Variants in ECPAS observed in about 807,000 individuals in gnomAD.
The protein encoded by ECPAS is Ecm29 proteasome adaptor and scaffold.
ECPAS carries 70 observed loss-of-function variants against 255.1 expected under a neutral mutation model. The ratio of observed to expected loss-of-function variants is 0.27; its 90% confidence interval spans 0.23 to 0.33. The LOEUF is 0.33. Among genes scored for constraint, ECPAS ranks in the 10% least tolerant of loss-of-function variants. The pLI, the probability that ECPAS is intolerant of heterozygous loss-of-function variation, is 1.00. For missense variants in ECPAS, 1,817 were observed against 2,206.4 expected (o/e 0.82, Z 3.54); for synonymous variants, 784 against 775.0 (o/e 1.01, Z -0.19).
In ECPAS at chr9:111,410,138, C is replaced by G; in HGVS notation, c.2453G>C (p.Gly818Ala). 17 of 1,612,002 alleles carry G rather than the reference C, an allele frequency of 1.1e-5. No homozygotes were observed. Among genetic ancestry groups the G allele is most frequent in the Non-Finnish European group, 1.4e-5 (17 of 1,179,132 alleles). ...CTALGEIGRN[G>A]PLPIPSEGSG... ...TCCCTCACTGGGGATTGGAAGTGGACCATTTCTGCCAATTTCACCCAGGGC... is the reference window on the plus strand; with the variant it reads ...TCCCTCACTGGGGATTGGAAGTGGAGCATTTCTGCCAATTTCACCCAGGGC... The change falls in exon 23 of 50, where the codon GGT becomes GCT. Residue 818 changes from glycine (G) to alanine (A), a missense_variant. Transcript: ENST00000684092.
intron 31 of ECPAS, among the ~76,000 whole-genome samples, chr9:111,386,905 A>C (rs1451101104): frequency 6.6e-6 from 1 of 152,112 alleles, no homozygotes; most frequent in Non-Finnish European, 1.5e-5. Context: ...TAGCTTGGGT[A>C]CTCTCCTCTC....
chr9:111,363,715 G>T, intron 48 of ECPAS, 56 bp from the exon 49 acceptor site: 1 of 809,984 alleles, frequency 1.2e-6, no homozygotes. Context: ...CAACCTCCAA[G>T]ATTAAATTTG....
At chr9:111,419,321 C>T (rs765598892) in intron 16 of ECPAS, among the ~76,000 whole-genome samples, 2 of 152,024 alleles carry the variant, frequency 1.3e-5, no homozygotes, top group African/African-American at 4.8e-5. Flanking sequence ...AAATTCTAAA[C>T]GTTAAATGTA....
At chr9:111,436,646 A>T (rs1330171311) in intron 7 of ECPAS, among the ~76,000 whole-genome samples, 2 of 151,644 alleles carry the variant, frequency 1.3e-5, no homozygotes, top group African/African-American at 2.4e-5. Context: ...GTTAAAAAAT[A>T]AAAAAAAATA....
intron 48 of ECPAS, 48 bp from the exon 49 acceptor site, chr9:111,363,707 A>T (rs775051338): frequency 1.2e-6 from 1 of 857,932 alleles, no homozygotes; most frequent in Non-Finnish European, 1.9e-6. Context: ...GAAAAACACA[A>T]CCTCCAAGAT....
At chr9:111,419,120 T>A (rs949791323) in intron 16 of ECPAS, among the ~76,000 whole-genome samples, 2 of 152,236 alleles carry the variant, frequency 1.3e-5, no homozygotes, top group African/African-American at 4.8e-5. Context: ...GAAACAGTTA[T>A]CAAGGAATTA....
chr9:111,484,288 C>T lies in ECPAS; in HGVS notation c.-255G>A. 1 of 1,534,488 alleles carries T rather than the reference C, an allele frequency of 6.5e-7. No individual in the cohort carries two copies. Among genetic ancestry groups the T allele is most frequent in the Non-Finnish European group, 8.8e-7 (1 of 1,141,942 alleles). On this transcript the variant is annotated 5_prime_UTR_variant, in exon 1 of 50. Transcript: ENST00000684092. ...TAGCGGCCGGGGGAAATCCTCGAGG[C>T]GGGGCCGGAGCGCCCTTTTCCGAGG...
At chr9:111,431,730 G>C (rs1388753821) in intron 8 of ECPAS, among the ~76,000 whole-genome samples, 1 of 151,980 alleles carries the variant, frequency 6.6e-6, no homozygotes, top group Non-Finnish European at 1.5e-5. Flanking sequence ...AAGCTATCCT[G>C]TGTTTGTGCA....
At chr9:111,480,813 C>G (rs568588684) in intron 1 of ECPAS, among the ~76,000 whole-genome samples, 1 of 152,182 alleles carries the variant, frequency 6.6e-6, no homozygotes, top group African/African-American at 2.4e-5. Flanking sequence ...CTGAACAAAA[C>G]AAGAAGAAGG....
chr9:111,433,450 C>A, intron 7 of ECPAS, 78 bp from the exon 8 acceptor site: 1 of 1,494,636 alleles, frequency 6.7e-7, no homozygotes. Flanking sequence ...CTTAACATAT[C>A]AGTGTGGTCA....
intron 1 of ECPAS, among the ~76,000 whole-genome samples, chr9:111,480,102 G>T (rs2098302287): frequency 6.6e-6 from 1 of 151,944 alleles, no homozygotes; most frequent in Non-Finnish European, 1.5e-5. Context: ...AATCTAAGTG[G>T]TGGGTACACG....
intron 2 of ECPAS, among the ~76,000 whole-genome samples, chr9:111,469,898 C>CT (rs934655222): frequency 7.2e-5 from 11 of 152,084 alleles, no homozygotes; most frequent in African/African-American, 2.7e-4. Flanking sequence ...CATCCCCAGC[C>CT]TTTTTTACAG....
At chr9:111,455,131 T>C (rs552190834) in intron 2 of ECPAS, among the ~76,000 whole-genome samples, 1 of 152,196 alleles carries the variant, frequency 6.6e-6, no homozygotes, top group South Asian at 2.1e-4. Flanking sequence ...TGCAAAATAC[T>C]TTTAAATATT....
intron 2 of ECPAS, among the ~76,000 whole-genome samples, chr9:111,466,477 C>T (rs2098279709): frequency 6.6e-6 from 1 of 152,020 alleles, no homozygotes. Flanking sequence ...ACAAAAAGAA[C>T]ATTTGATCTC....
chr9:111,371,138 T>A (rs2098126786), intron 43 of ECPAS, among the ~76,000 whole-genome samples: 1 of 140,184 alleles, frequency 7.1e-6, no homozygotes, highest in African/African-American at 2.6e-5. Context: ...CAATCTCATG[T>A]TCCCCACTGA....
In ECPAS at chr9:111,425,418, C is replaced by A; in HGVS notation, c.1215G>T (p.Glu405Asp). The change falls in exon 12 of 50, where the codon GAG (glutamate) becomes GAT (aspartate). Residue 405 changes from glutamate (E) to aspartate (D), a missense_variant and splice_region_variant. Physicochemically the swap from Glu to Asp is conservative, Grantham distance 45. Coordinates refer to ENST00000684092, the MANE Select transcript of ECPAS (RefSeq NM_001364929.1). ...GLTKLINEYK[E>D]DPKLLSMAYS... ...AAAATTTAAAAGACAAGTCACTTAC[C>A]TCTTTGTATTCATTGATTAGCTTGG... 6.4e-7 allele frequency: 1 copy of A among 1,566,834 alleles called. No individual in the cohort carries two copies. The highest frequency in any genetic ancestry group is 8.6e-7 in the Non-Finnish European group (1 of 1,158,040).
chr9:111,422,082 T>C lies in ECPAS; in HGVS notation c.1333-39A>G, dbSNP rs770790107. 9.3e-6 allele frequency: 15 copies of C among 1,613,672 alleles called. No individual in the cohort carries two copies. In the East Asian group the frequency reaches 3.3e-4, roughly 36 times the overall value. On this transcript the variant is annotated intron_variant, in intron 14 of 49. Transcript: ENST00000684092. ...AAAAATGTTTCCCTCCTTGTTGGGT[T>C]CCCAGGGGAACATCCAAACACAAAG...
intron 1 of ECPAS, chr9:111,483,515 T>A (rs1017930359): frequency 3.6e-5 from 35 of 972,754 alleles, no homozygotes; most frequent in Non-Finnish European, 4.0e-5. Context: ...CAGCTCATCC[T>A]GGGAGGCGGA....
chr9:111,444,088 A>G (rs185310320), intron 4 of ECPAS, among the ~76,000 whole-genome samples: 90 of 152,230 alleles, frequency 5.9e-4, no homozygotes, highest in Non-Finnish European at 1.1e-3. Flanking sequence ...TCTCCTACCA[A>G]AAATCAAATC....
Sources: gnomAD v4.1 joint callset for allele counts (sites outside exome capture counted in the v4.1 genomes callset) on GRCh38, gnomAD v4.1.1 for gene constraint, MANE v1.5 for transcripts, NCBI Gene and HGNC (gene_info 2026-07-23, HGNC 2026-07-21) for gene names.